DDX60: variants seen among roughly 807,000 people sequenced by gnomAD.
DDX60 encodes probable ATP-dependent RNA helicase DDX60.
A neutral mutation model predicts 212.8 loss-of-function variants in DDX60; 165 were observed. That is an observed-to-expected ratio of 0.78 (90% confidence interval 0.68 to 0.88). The LOEUF is 0.88. DDX60 is among the 40% of genes least tolerant of loss of function. The pLI is 0.00. For missense variants in DDX60, 1,905 were observed against 2,003.9 expected (o/e 0.95, Z 0.94); for synonymous variants, 703 against 685.3 (o/e 1.03, Z -0.40).
chr4:168,296,658 C>A (rs1290285820), intron 6 of DDX60, among the ~76,000 whole-genome samples: 1 of 151,836 alleles, frequency 6.6e-6, no homozygotes, highest in Non-Finnish European at 1.5e-5. Context: ...TATCTTGTAA[C>A]AAACCTCGGT....
At chr4:168,253,237 T>C (rs1734285375) in intron 26 of DDX60, among the ~76,000 whole-genome samples, 1 of 152,228 alleles carries the variant, frequency 6.6e-6, no homozygotes, top group Non-Finnish European at 1.5e-5. Flanking sequence ...CTGGCTGTAG[T>C]CTTGCCAAAC....
chr4:168,286,717 G>A (rs773175567), intron 10 of DDX60, among the ~76,000 whole-genome samples: 1 of 152,050 alleles, frequency 6.6e-6, no homozygotes, highest in Non-Finnish European at 1.5e-5. Flanking sequence ...ATAAAAAGAT[G>A]TTTGGTGTCT....
chr4:168,277,827 A>C (rs978528247), intron 14 of DDX60, among the ~76,000 whole-genome samples: 17 of 151,906 alleles, frequency 1.1e-4, no homozygotes, highest in Admixed American at 9.8e-4. Context: ...AAAAAGAAAA[A>C]AAAAAAAAAG....
At chr4:168,319,864 A>G (rs1457818474), upstream of DDX60, among the ~76,000 whole-genome samples, 4 of 152,238 alleles carry the variant, frequency 2.6e-5, no homozygotes, top group Admixed American at 1.3e-4. Context: ...GAACAGAGAG[A>G]GTAGTGAATG....
intron 32 of DDX60, among the ~76,000 whole-genome samples, chr4:168,236,999 T>G (rs1253051350): frequency 3.3e-5 from 5 of 151,334 alleles, no homozygotes; most frequent in African/African-American, 1.2e-4. Flanking sequence ...GAAAATATTT[T>G]CTAAAAAGTG....
intron 25 of DDX60, 24 bp from the exon 26 acceptor site, chr4:168,255,893 C>G (rs769682773): frequency 6.4e-7 from 1 of 1,562,754 alleles, no homozygotes; most frequent in Non-Finnish European, 8.6e-7. Context: ...GAATGTGCGC[C>G]TTGAAAATAA....
At chr4:168,245,885 A>G (rs1190299143) in intron 30 of DDX60, among the ~76,000 whole-genome samples, 3 of 152,054 alleles carry the variant, frequency 2.0e-5, no homozygotes, top group African/African-American at 7.2e-5. Context: ...TAAAAATCAA[A>G]TGCACACCCA....
Position 168,252,529 on chromosome 4 carries a change from G to A in DDX60, c.3685C>T (p.Gln1229Ter). The part of the protein sequence containing the change: ...EIPQDCTYAD[Q>*]KAVDTETLQK... The stretch of plus-strand genomic sequence containing the variant: ...CTGACCTCAGTGTCCACTGCTTTTT[G>A]ATCAGCATATGTGCAGTCCTGTGGG... Residue 1229 changes from glutamine to a stop codon, truncating the protein, a stop_gained, in exon 27 of 38, where the codon CAA (glutamine) becomes TAA (stop). Coordinates refer to ENST00000393743, the MANE Select transcript of DDX60 (RefSeq NM_017631.6). LOFTEE classifies it high-confidence loss of function. 1 of 1,613,600 alleles carries A rather than the reference G, an allele frequency of 6.2e-7. No individual in the cohort carries two copies. Among genetic ancestry groups the A allele is most frequent in the Non-Finnish European group, 8.5e-7 (1 of 1,179,860 alleles).
In DDX60 at chr4:168,237,348, A is replaced by T; in HGVS notation, c.4349T>A (p.Leu1450His). ...ATTTACAAGAAAACTGACAAAAACA[A>T]GATTAGAAGGTTCATGATAATGCAA... ...SHLHYHEPSN[L>H]VFVSFLVNGL... Residue 1450 changes from leucine (L) to histidine (H), a missense_variant, in exon 32 of 38, where the codon CTT (leucine) becomes CAT (histidine). Transcript: ENST00000393743. 6.3e-7 allele frequency: 1 copy of T among 1,595,452 alleles called. No individual in the cohort carries two copies. The highest frequency in any genetic ancestry group is 8.5e-7 in the Non-Finnish European group (1 of 1,171,282).
At chr4:168,265,226 ATAC>A (rs1207390219) in intron 22 of DDX60, among the ~76,000 whole-genome samples, 1 of 152,192 alleles carries the variant, frequency 6.6e-6, no homozygotes, top group Non-Finnish European at 1.5e-5. Flanking sequence ...AATCATTTTT[ATAC>A]TACAACTATA....
intron 6 of DDX60, among the ~76,000 whole-genome samples, chr4:168,296,130 G>T (rs1015362318): frequency 1.6e-4 from 24 of 152,222 alleles, no homozygotes; most frequent in Non-Finnish European, 2.8e-4. Flanking sequence ...TTCAAAATAA[G>T]TGCATAAATT....
chr4:168,283,687 TC>T, intron 12 of DDX60, 81 bp from the exon 13 acceptor site: 1 of 1,014,612 alleles, frequency 9.9e-7, no homozygotes. Context: ...TTATTCCACA[TC>T]CAGTAGTTAA....
chr4:168,227,604 AG>A (rs1193659126), intron 33 of DDX60, among the ~76,000 whole-genome samples: 2 of 151,978 alleles, frequency 1.3e-5, no homozygotes, highest in Admixed American at 1.3e-4. Flanking sequence ...TACTTACTGT[AG>A]GTTAGATCTT....
intron 25 of DDX60, among the ~76,000 whole-genome samples, chr4:168,259,774 G>A (rs1423221737): frequency 6.6e-6 from 1 of 151,134 alleles, no homozygotes; most frequent in Non-Finnish European, 1.5e-5. Flanking sequence ...TAAGCTATTT[G>A]ATACTATAAT....
Position 168,275,432 on chromosome 4 carries a change from T to C in DDX60, c.2217A>G (p.Gln739=), listed in dbSNP as rs1212599445. The change falls in exon 16 of 38, where the codon CAA becomes CAG. Residue 739 remains glutamine (Q), a synonymous_variant. Coordinates refer to ENST00000393743, the MANE Select transcript of DDX60 (RefSeq NM_017631.6). ...YSVGIGPARF[Q]LQYMGHYLIR... ...TCAAATAATGGCCCATGTATTGCAG[T>C]TGGAACCGAGCTGGCCCAATGCCAA... 2 of 1,613,370 alleles carry C rather than the reference T, an allele frequency of 1.2e-6. No homozygotes were observed. The highest frequency in any genetic ancestry group is 1.3e-5 in the African/African-American group (1 of 75,034).
Position 168,248,233 on chromosome 4 carries a change from A to G in DDX60, c.3918T>C (p.Val1306=), listed in dbSNP as rs774426634. ...CCAGATAGACTGAGTTTTGAGCAAAAACCACAGATTTACAAGGCATGTTGA... is the reference window on the plus strand; with the variant it reads ...CCAGATAGACTGAGTTTTGAGCAAAGACCACAGATTTACAAGGCATGTTGA... ...LGVNMPCKSV[V]FAQNSVYLDA... is the part of the protein sequence containing the mutation. Residue 1306 remains valine, a synonymous_variant, in exon 29 of 38, where the codon GTT becomes GTC. Coordinates refer to ENST00000393743, the MANE Select transcript of DDX60 (RefSeq NM_017631.6). 9 of 1,611,138 alleles carry G rather than the reference A, an allele frequency of 5.6e-6. No individual in the cohort carries two copies. Among genetic ancestry groups the G allele is most frequent in the Non-Finnish European group, 1.7e-6 (2 of 1,178,998 alleles).
chr4:168,298,574 T>C (rs1338112698), intron 6 of DDX60, among the ~76,000 whole-genome samples: 1 of 152,138 alleles, frequency 6.6e-6, no homozygotes, highest in Non-Finnish European at 1.5e-5. Flanking sequence ...AACATATGCA[T>C]GGCAACCAAC....
At chr4:168,225,797 T>C (rs1733233589) in intron 33 of DDX60, 121 bp from the exon 34 acceptor site, 2 of 869,794 alleles carry the variant, frequency 2.3e-6, no homozygotes, top group East Asian at 3.1e-5. Flanking sequence ...TTAATATTTA[T>C]TCAATAATGT....
chr4:168,262,638 A>T (rs6552581), intron 23 of DDX60, 45 bp downstream of exon 23: 1 of 1,308,204 alleles, frequency 7.6e-7, no homozygotes, highest in Non-Finnish European at 1.1e-6. Flanking sequence ...GTTTGTCAAT[A>T]TTATCATCCT....
Sources: allele counts gnomAD v4.1 joint callset (sites outside exome capture counted in the v4.1 genomes callset), GRCh38; gene constraint gnomAD v4.1.1; transcripts MANE v1.5; gene names NCBI Gene and HGNC (gene_info 2026-07-23, HGNC 2026-07-21).